Variants in SLC9A1 observed in about 807,000 individuals in gnomAD.
SLC9A1 encodes sodium/hydrogen exchanger 1.
SLC9A1 carries 22 observed loss-of-function variants against 67.9 expected under a neutral mutation model. The ratio of observed to expected loss-of-function variants is 0.32; its 90% CI spans 0.23 to 0.46. The LOEUF is 0.46. SLC9A1 is among the 20% of genes least tolerant of loss of function. The pLI is 1.00. For synonymous variants in SLC9A1, 421 were observed against 471.8 expected (o/e 0.89, Z 1.40); for missense variants, 686 against 1,094.8 (o/e 0.63, Z 5.27).
chr1:27,109,571 C>T lies in SLC9A1; in HGVS notation c.1020G>A (p.Met340Ile). Residue 340 changes from methionine to isoleucine, a missense_variant, in exon 3 of 12, where the codon ATG (methionine) becomes ATA (isoleucine). Transcript: ENST00000263980. The surrounding 1 kb of genome is among the most constrained non-coding windows in gnomAD (Gnocchi z 5.5). ...EPLFVFLYSY[M>I]AYLSAELFHL... Reference sequence around the variant, plus strand: ...GGAAGAGCTCGGCTGACAAGTAGGCCATGTAGCTGTAGAGGAAGACGAAGA... The same window carrying T: ...GGAAGAGCTCGGCTGACAAGTAGGCTATGTAGCTGTAGAGGAAGACGAAGA... 2 of 1,613,896 alleles carry T rather than the reference C, an allele frequency of 1.2e-6. No individual in the cohort carries two copies. The highest frequency in any genetic ancestry group is 1.7e-6 in the Non-Finnish European group (2 of 1,179,984).
At chr1:27,138,183 C>A (rs1356582628) in intron 1 of SLC9A1, among the ~76,000 whole-genome samples, 1 of 152,178 alleles carries the variant, frequency 6.6e-6, no homozygotes, top group Non-Finnish European at 1.5e-5. Context: ...ATGATCTGGC[C>A]CCTGCCCTCT....
intron 3 of SLC9A1, among the ~76,000 whole-genome samples, chr1:27,108,365 C>T (rs2124144051): frequency 6.8e-6 from 1 of 147,184 alleles, no homozygotes; most frequent in South Asian, 2.2e-4. Context: ...ATGCCCGGCC[C>T]TATTCCTCCA....
At chr1:27,115,479 G>A (rs1267074717) in intron 1 of SLC9A1, among the ~76,000 whole-genome samples, 2 of 152,112 alleles carry the variant, frequency 1.3e-5, no homozygotes, top group Non-Finnish European at 2.9e-5. Flanking sequence ...ATGCTCCCAG[G>A]GTTGGCATAG....
At chr1:27,120,820 G>A (rs917903767) in intron 1 of SLC9A1, among the ~76,000 whole-genome samples, 23 of 152,218 alleles carry the variant, frequency 1.5e-4, no homozygotes, top group African/African-American at 5.1e-4. Flanking sequence ...TGTGCAGGGG[G>A]CTTATACACA....
At chr1:27,113,496 T>C (rs1376085514) in intron 2 of SLC9A1, among the ~76,000 whole-genome samples, 1 of 152,098 alleles carries the variant, frequency 6.6e-6, no homozygotes, top group Non-Finnish European at 1.5e-5. Flanking sequence ...AGGGAGCATA[T>C]AACCTAGCAA....
chr1:27,102,949 G>A (rs1352171249), intron 6 of SLC9A1, among the ~76,000 whole-genome samples: 3 of 152,132 alleles, frequency 2.0e-5, no homozygotes, highest in East Asian at 1.9e-4. Flanking sequence ...GCCTGTGTCC[G>A]GCTGAGCCCC....
chr1:27,107,952 C>T, intron 3 of SLC9A1, 87 bp from the exon 4 acceptor site: 1 of 944,316 alleles, frequency 1.1e-6, no homozygotes, highest in Non-Finnish European at 1.7e-6. Flanking sequence ...GGGGCCACGA[C>T]CAAGGTGCCC....
At chr1:27,116,163 C>A (rs1406724945) in intron 1 of SLC9A1, among the ~76,000 whole-genome samples, 1 of 152,134 alleles carries the variant, frequency 6.6e-6, no homozygotes, top group East Asian at 1.9e-4. Flanking sequence ...AATTCAAGAC[C>A]AGCCTGACCA....
chr1:27,107,593 C>CCCCCACACACA lies in SLC9A1; in HGVS notation c.1282+44_1282+54dup, dbSNP rs2083197245. 29 of 1,335,432 alleles carry CCCCCACACACA rather than the reference C, an allele frequency of 2.2e-5. No homozygotes were observed. In the South Asian group the frequency reaches 3.6e-4, roughly 17 times the overall value. The allele number at this position is 1,335,432 out of a possible 1,614,324, so 82.7% of individuals were successfully genotyped here. On this transcript the variant is annotated intron_variant, in intron 4 of 11. Transcript: ENST00000263980. ...CACACACAGCACCACAGCCCACCAC[C>CCCCCACACACA]CCCCACACACACCCCACACCACAAC...
At position 27,114,067 on chromosome 1, in the gene SLC9A1, A is replaced by T; in HGVS notation, c.572T>A (p.Ile191Asn). ...CCACAGCGTGCCCACCACGGCAAAG[A>T]TCAGGATGGTGCCCAGGTTTTCTGT... ...QFTENLGTIL[I>N]FAVVGTLWNA... The change falls in exon 2 of 12, where the codon ATC (isoleucine) becomes AAC (asparagine). Residue 191 changes from isoleucine to asparagine, a missense_variant. By Grantham distance (149) the Ile-to-Asn change is moderately radical. Around this residue, in one of 7 missense-constraint regions of SLC9A1, gnomAD observed 49 missense variants for 73.1 expected, o/e 0.67. Transcript: ENST00000263980. The surrounding 1 kb of genome is among the most constrained non-coding windows in gnomAD (Gnocchi z 5.4). 1 of 1,614,170 alleles carries T rather than the reference A, an allele frequency of 6.2e-7. No individual in the cohort carries two copies. The highest frequency in any genetic ancestry group is 8.5e-7 in the Non-Finnish European group (1 of 1,180,038).
chr1:27,115,556 G>A (rs1033835864), intron 1 of SLC9A1, among the ~76,000 whole-genome samples: 1 of 152,028 alleles, frequency 6.6e-6, no homozygotes, highest in African/African-American at 2.4e-5. Flanking sequence ...GCTCATGCCT[G>A]TATCCCAGCA....
chr1:27,146,173 C>T (rs755913360), intron 1 of SLC9A1, among the ~76,000 whole-genome samples: 54 of 152,048 alleles, frequency 3.6e-4, no homozygotes, highest in Non-Finnish European at 6.6e-4. Flanking sequence ...GTGTGCTGAG[C>T]GAGCCTTCTC....
At chr1:27,149,644 T>C (rs1337785386) in intron 1 of SLC9A1, among the ~76,000 whole-genome samples, 1 of 152,182 alleles carries the variant, frequency 6.6e-6, no homozygotes, top group Non-Finnish European at 1.5e-5. Context: ...GTTACTACAG[T>C]GAGCTGGGCA....
Position 27,099,180 on chromosome 1 carries a change from GGGCTCCACA to G in SLC9A1, c.*1118_*1126del, listed in dbSNP as rs1276008434. The G allele has an allele frequency of 2.0e-5, 3 of 152,784 alleles. No homozygotes were observed. The highest frequency in any genetic ancestry group is 4.4e-5 in the Non-Finnish European group (3 of 68,324). 9.5% of individuals were successfully genotyped at this position (152,784 alleles called of 1,614,324 possible). ...TTCTCCCCCCCACCGCCTCCACAATGGGCTCCACAGCAGGCAGGGTGTGGTACACACAAG... is the reference window on the plus strand; with the variant it reads ...TTCTCCCCCCCACCGCCTCCACAATGGCAGGCAGGGTGTGGTACACACAAG... On this transcript the variant is annotated 3_prime_UTR_variant, in exon 12 of 12. Coordinates refer to ENST00000263980, the MANE Select transcript of SLC9A1 (RefSeq NM_003047.5).
chr1:27,105,629 C>T, intron 5 of SLC9A1: 1 of 680,352 alleles, frequency 1.5e-6, no homozygotes, highest in Middle Eastern at 2.7e-4. Context: ...TCTATGAGTT[C>T]CAAATTAAGT....
chr1:27,102,835 G>C, intron 6 of SLC9A1, 92 bp from the exon 7 acceptor site: 2 of 1,138,294 alleles, frequency 1.8e-6, no homozygotes, highest in Non-Finnish European at 2.6e-6. Flanking sequence ...CGTAGCTGCA[G>C]CCCTGCTGGG....
intron 1 of SLC9A1, among the ~76,000 whole-genome samples, chr1:27,142,107 G>A (rs2083456453): frequency 6.6e-6 from 1 of 152,204 alleles, no homozygotes. Context: ...GGAGGAAGCT[G>A]CCCTTCTTTA....
intron 6 of SLC9A1, 174 bp from the exon 7 acceptor site, chr1:27,102,917 A>C: frequency 1.6e-6 from 1 of 644,518 alleles, no homozygotes; most frequent in Non-Finnish European, 2.8e-6. Flanking sequence ...AGCGGCCCTG[A>C]CTCTGGGTAT....
chr1:27,125,833 C>T (rs1189951528), intron 1 of SLC9A1, among the ~76,000 whole-genome samples: 3 of 151,128 alleles, frequency 2.0e-5, no homozygotes, highest in Non-Finnish European at 3.0e-5. Flanking sequence ...CCTCGTGATC[C>T]GCCCACCTCA....
Sources: allele counts gnomAD v4.1 joint callset (sites outside exome capture counted in the v4.1 genomes callset), GRCh38; gene constraint gnomAD v4.1.1; regional missense constraint gnomAD v4.1.1; non-coding constraint Gnocchi (gnomAD v3.1); transcripts MANE v1.5; gene names NCBI Gene and HGNC (gene_info 2026-07-23, HGNC 2026-07-21).